Variants in SNTG1 observed in about 807,000 individuals in gnomAD.
The protein encoded by SNTG1 is syntrophin gamma 1.
SNTG1 carries 39 observed loss-of-function variants against 74.7 expected under a neutral mutation model. The observed-to-expected ratio is 0.52, with a 90% CI of 0.40 to 0.68. The LOEUF is 0.68. Ranked by LOEUF, SNTG1 falls within the 30% of genes least tolerant of loss-of-function variation. The pLI, the probability that SNTG1 is intolerant of heterozygous loss-of-function variation, is 0.00. For synonymous variants in SNTG1, 254 were observed against 217.1 expected, an observed-to-expected ratio of 1.17 and a Z score of -1.49; for missense variants, 685 against 609.5, an observed-to-expected ratio of 1.12 and a Z score of -1.30.
chr8:50,421,045 G>GT (rs1231326169), intron 4 of SNTG1, among the ~76,000 whole-genome samples: 2 of 105,472 alleles, frequency 1.9e-5, no homozygotes. Flanking sequence ...AAGGCGGTGG[G>GT]CGGGGGAGGG....
intron 3 of SNTG1, among the ~76,000 whole-genome samples, chr8:50,401,952 A>T (rs1341412220): frequency 6.6e-6 from 1 of 152,186 alleles, no homozygotes; most frequent in East Asian, 1.9e-4. Flanking sequence ...TAGTACATGT[A>T]CCATAATCCT....
At chr8:50,661,466 AC>A (rs1406719164) in intron 15 of SNTG1, among the ~76,000 whole-genome samples, 1 of 152,178 alleles carries the variant, frequency 6.6e-6, no homozygotes, top group Non-Finnish European at 1.5e-5. Flanking sequence ...TTACATTCTG[AC>A]CAAATTAAAA....
At chr8:50,043,773 A>C (rs954916701) in intron 1 of SNTG1, among the ~76,000 whole-genome samples, 1 of 152,192 alleles carries the variant, frequency 6.6e-6, no homozygotes, top group Non-Finnish European at 1.5e-5. Context: ...AGATTACAAC[A>C]TAGGGAGATA....
At chr8:49,927,998 G>C (rs188656392) in intron 1 of SNTG1, among the ~76,000 whole-genome samples, 4 of 151,154 alleles carry the variant, frequency 2.6e-5, no homozygotes, top group African/African-American at 9.7e-5. Context: ...GCATGGTGGC[G>C]TGCACCTGTA....
intron 2 of SNTG1, among the ~76,000 whole-genome samples, chr8:50,386,741 CTT>C (rs61680980): frequency 0.16 from 23,865 of 152,066 alleles, 2,308 homozygotes; most frequent in Middle Eastern, 0.26. Context: ...GTTCCAGACT[CTT>C]TTAAACAGCC....
At chr8:50,203,711 G>C (rs1283730540) in intron 2 of SNTG1, among the ~76,000 whole-genome samples, 1 of 151,834 alleles carries the variant, frequency 6.6e-6, no homozygotes, top group East Asian at 1.9e-4. Flanking sequence ...TTCATCCATT[G>C]TACTATTATT....
chr8:50,541,040 A>T (rs1223122194), intron 11 of SNTG1, among the ~76,000 whole-genome samples: 1 of 152,088 alleles, frequency 6.6e-6, no homozygotes, highest in Non-Finnish European at 1.5e-5. Context: ...TATTTTGATT[A>T]TACATCTTAT....
intron 13 of SNTG1, among the ~76,000 whole-genome samples, chr8:50,652,480 G>GT (rs1158750382): frequency 1.3e-5 from 2 of 151,852 alleles, no homozygotes; most frequent in Non-Finnish European, 2.9e-5. Context: ...AGTTCCATCC[G>GT]TTTTTCATTT....
chr8:50,658,758 G>A, intron 15 of SNTG1, 95 bp downstream of exon 15: 1 of 754,654 alleles, frequency 1.3e-6, no homozygotes, highest in Non-Finnish European at 2.2e-6. Context: ...ATCATTCATG[G>A]AATGAAAGAA....
At chr8:50,117,165 A>G (rs1441614151) in intron 1 of SNTG1, among the ~76,000 whole-genome samples, 2 of 152,026 alleles carry the variant, frequency 1.3e-5, no homozygotes, top group Non-Finnish European at 2.9e-5. Context: ...CTGAATGTGA[A>G]TCATCATTTG....
chr8:49,943,641 A>G (rs1358055503), intron 1 of SNTG1, among the ~76,000 whole-genome samples: 3 of 152,228 alleles, frequency 2.0e-5, no homozygotes, highest in Non-Finnish European at 1.5e-5. Context: ...TGGCCCTATA[A>G]TCCATGCATT....
At chr8:50,050,431 T>C (rs755494811) in intron 1 of SNTG1, among the ~76,000 whole-genome samples, 1 of 152,002 alleles carries the variant, frequency 6.6e-6, no homozygotes, top group Non-Finnish European at 1.5e-5. Flanking sequence ...AGGTTCTATA[T>C]CTATTAATGA....
At chr8:50,493,452 C>A (rs2093876229) in intron 8 of SNTG1, among the ~76,000 whole-genome samples, 1 of 152,002 alleles carries the variant, frequency 6.6e-6, no homozygotes, top group South Asian at 2.1e-4. Context: ...TTCCTATTTT[C>A]TTTTAAGGAG....
intron 2 of SNTG1, among the ~76,000 whole-genome samples, chr8:50,261,670 G>T (rs1178589699): frequency 6.6e-6 from 1 of 152,034 alleles, no homozygotes; most frequent in Non-Finnish European, 1.5e-5. Context: ...TAAGGTACTT[G>T]CACTCTCTGA....
At chr8:50,660,666 A>G (rs1487030071) in intron 15 of SNTG1, among the ~76,000 whole-genome samples, 2 of 152,038 alleles carry the variant, frequency 1.3e-5, no homozygotes, top group African/African-American at 4.8e-5. Context: ...TTTTCTAACC[A>G]CTCTCCAAGT....
At chr8:50,549,776 C>T (rs888998284) in intron 11 of SNTG1, among the ~76,000 whole-genome samples, 1 of 152,102 alleles carries the variant, frequency 6.6e-6, no homozygotes, top group Admixed American at 6.6e-5. Flanking sequence ...TTAATTATCT[C>T]CTCTCTAAAA....
chr8:50,253,547 C>A (rs916692800), intron 2 of SNTG1, among the ~76,000 whole-genome samples: 2 of 152,114 alleles, frequency 1.3e-5, no homozygotes, highest in African/African-American at 4.8e-5. Context: ...AATTGTAGCA[C>A]TATTTCCAAA....
At chr8:50,416,515 A>G (rs2093015857) in intron 4 of SNTG1, among the ~76,000 whole-genome samples, 1 of 152,120 alleles carries the variant, frequency 6.6e-6, no homozygotes, top group Admixed American at 6.6e-5. Context: ...TTTCTTCTTT[A>G]TGGTTTTCAA....
chr8:50,568,380 A>G (rs143914063), intron 12 of SNTG1, among the ~76,000 whole-genome samples: 1 of 152,194 alleles, frequency 6.6e-6, no homozygotes, highest in African/African-American at 2.4e-5. Flanking sequence ...TTGTTGAGTC[A>G]TATGGTAGTT....
Sources: gnomAD v4.1 joint callset for allele counts (sites outside exome capture counted in the v4.1 genomes callset) on GRCh38, gnomAD v4.1.1 for gene constraint, MANE v1.5 for transcripts, NCBI Gene and HGNC (gene_info 2026-07-23, HGNC 2026-07-21) for gene names.